Variants in PLEKHJ1 observed in about 807,000 individuals in gnomAD.
PLEKHJ1 encodes pleckstrin homology domain containing J1.
A neutral mutation model predicts 21.7 loss-of-function variants in PLEKHJ1; 20 were observed. The observed-to-expected ratio is 0.92, with a 90% CI of 0.65 to 1.34. The LOEUF is 1.34. Ranked by LOEUF, PLEKHJ1 falls within the 40% of genes most tolerant of loss-of-function variation. The probability of loss-of-function intolerance (pLI) is 0.00; values close to 1 mark genes in which losing one functional copy is unlikely to be tolerated. For synonymous variants in PLEKHJ1, 113 were observed against 80.6 expected, an observed-to-expected ratio of 1.40 and a Z score of -2.15; for missense variants, 241 against 202.0, an observed-to-expected ratio of 1.19 and a Z score of -1.17.
rs756379429 is a variant in PLEKHJ1, at chr19:2,234,015, G to T, written c.367C>A (p.Arg123=). ...GCACACACCTTGCCCGTCACCTTCCGGATTTCGTTCCTGTAGAAGATGAGG... is the reference window on the plus strand; with the variant it reads ...GCACACACCTTGCCCGTCACCTTCCTGATTTCGTTCCTGTAGAAGATGAGG... The part of the protein sequence containing the change: ...RSLIFYRNEI[R]KVTGKDPLEQ... Residue 123 remains arginine (R), a synonymous_variant, in exon 5 of 6, where the codon CGG becomes AGG. Transcript: ENST00000326631. The T allele has an allele frequency of 1.2e-6, 2 of 1,613,358 alleles. No homozygotes were observed. Among genetic ancestry groups the T allele is most frequent in the Non-Finnish European group, 1.7e-6 (2 of 1,179,962 alleles).
chr19:2,235,527 A>G, intron 3 of PLEKHJ1: 1 of 557,972 alleles, frequency 1.8e-6, no homozygotes, highest in Non-Finnish European at 3.2e-6. Context: ...CAGGGAACAA[A>G]GAGCAGAGTC....
At chr19:2,235,423 A>C in intron 3 of PLEKHJ1, 1 of 275,846 alleles carries the variant, frequency 3.6e-6, no homozygotes, top group Non-Finnish European at 6.8e-6. Context: ...GCCCGGGGCC[A>C]TATAACAATG....
chr19:2,233,681 G>T lies in PLEKHJ1; in HGVS notation c.*159C>A. Reference sequence around the variant, plus strand: ...TTGAGTCCAGAAGGTCAAGGTCACAGTGAGCTGTGGCACCACTGCACTCTA... The same window carrying T: ...TTGAGTCCAGAAGGTCAAGGTCACATTGAGCTGTGGCACCACTGCACTCTA... On this transcript the variant is annotated 3_prime_UTR_variant, in exon 6 of 6. Coordinates refer to ENST00000326631, the MANE Select transcript of PLEKHJ1 (RefSeq NM_018049.3). 1 of 639,064 alleles carries T rather than the reference G, an allele frequency of 1.6e-6. No individual in the cohort carries two copies. 39.6% of individuals were successfully genotyped at this position (639,064 alleles called of 1,614,324 possible). A position where few individuals can be genotyped will look rare whatever the true frequency, so the allele number is the denominator to read the frequency against.
Position 2,234,182 on chromosome 19 carries a change from A to C in PLEKHJ1, c.288T>G (p.Cys96Trp). The change falls in exon 4 of 6, where the codon TGT (cysteine) becomes TGG (tryptophan). Residue 96 changes from cysteine to tryptophan, a missense_variant. Coordinates refer to ENST00000326631, the MANE Select transcript of PLEKHJ1 (RefSeq NM_018049.3). Reference sequence around the variant, plus strand: ...GACGCAGAGCCTCCATCCACTCCTGACACTGCTCCTCGCTGCTGCACTCAA... The same window carrying C: ...GACGCAGAGCCTCCATCCACTCCTGCCACTGCTCCTCGCTGCTGCACTCAA... ...YHFECSSEEQCQEWMEALRRA... is the reference protein window; with the variant it reads ...YHFECSSEEQWQEWMEALRRA... 2 of 1,613,042 alleles carry C rather than the reference A, an allele frequency of 1.2e-6. No individual in the cohort carries two copies. Among genetic ancestry groups the C allele is most frequent in the Non-Finnish European group, 1.7e-6 (2 of 1,180,000 alleles).
chr19:2,231,653 C>T (rs530818197), downstream of PLEKHJ1: 28 of 214,114 alleles, frequency 1.3e-4, no homozygotes, highest in Non-Finnish European at 2.2e-4. Flanking sequence ...CCCCAAGCCC[C>T]GAGCCTGGCC....
chr19:2,233,457 A>C lies in PLEKHJ1; in HGVS notation c.*383T>G. The stretch of plus-strand genomic sequence containing the variant: ...CGTGGCACCAGGTGCCAGGCCAGTT[A>C]GGTGGATCCTGGGGCCCCAGGGAGC... On this transcript the variant is annotated 3_prime_UTR_variant, in exon 6 of 6. Transcript: ENST00000326631. The C allele has an allele frequency of 4.0e-6, 1 of 248,904 alleles. No individual in the cohort carries two copies. The highest frequency in any genetic ancestry group is 7.8e-6 in the Non-Finnish European group (1 of 128,426). The allele number at this position is 248,904 out of a possible 1,614,324, so 15.4% of individuals were successfully genotyped here. A position where few individuals can be genotyped will look rare whatever the true frequency, so the allele number is the denominator to read the frequency against.
At chr19:2,230,580 C>T (rs766054579), downstream of PLEKHJ1, 47 of 398,576 alleles carry the variant, frequency 1.2e-4, no homozygotes, top group Non-Finnish European at 1.6e-4. Context: ...CCCTGCGATG[C>T]GGGGCAGGCC....
In PLEKHJ1 at chr19:2,233,817, A is replaced by T; in HGVS notation, c.*23T>A. Reference sequence around the variant, plus strand: ...GGCAGGGCCAGTCCCGTCCCGCTGCACGCTGACCACCGTGCCCTGCGCTCA... The same window carrying T: ...GGCAGGGCCAGTCCCGTCCCGCTGCTCGCTGACCACCGTGCCCTGCGCTCA... On this transcript the variant is annotated 3_prime_UTR_variant, in exon 6 of 6. Transcript: ENST00000326631. 6.3e-7 allele frequency: 1 copy of T among 1,585,026 alleles called. No individual in the cohort carries two copies. The highest frequency in any genetic ancestry group is 8.6e-7 in the Non-Finnish European group (1 of 1,168,662).
Position 2,235,943 on chromosome 19 carries a change from A to T in PLEKHJ1, c.142T>A (p.Phe48Ile). 6.2e-7 allele frequency: 1 copy of T among 1,610,458 alleles called. No homozygotes were observed. The highest frequency in any genetic ancestry group is 8.5e-7 in the Non-Finnish European group (1 of 1,179,044). ...CCTACCTCGGCCTCGTCTGTCCGAA[A>T]GTAGAAGAGGAAATTCACCACCAGC... Reference protein sequence around the residue: ...VKLVVNFLFYFRTDEAEPVGA... With the variant: ...VKLVVNFLFYIRTDEAEPVGA... The change falls in exon 2 of 6, where the codon TTT becomes ATT. Residue 48 changes from phenylalanine to isoleucine, a missense_variant. Physicochemically the swap from Phe to Ile is conservative, Grantham distance 21. Transcript: ENST00000326631.
downstream of PLEKHJ1, chr19:2,231,874 G>A (rs1189258539): frequency 4.5e-6 from 1 of 220,376 alleles, no homozygotes; most frequent in African/African-American, 2.2e-5. Flanking sequence ...GCCACCGTAT[G>A]TTCAGGACAC....
chr19:2,231,073 G>A (rs770229072), downstream of PLEKHJ1: 1 of 233,080 alleles, frequency 4.3e-6, no homozygotes, highest in Non-Finnish European at 8.5e-6. Context: ...GCTGAGGCCG[G>A]GGTGTAGCAG....
In PLEKHJ1 at chr19:2,233,882, T is replaced by G. The variant is rs200815516; in HGVS notation, c.408A>C (p.Ile136=). 1.9e-6 allele frequency: 3 copies of G among 1,612,456 alleles called. No individual in the cohort carries two copies. The South Asian group carries it at 3.3e-5, about 18-fold the overall frequency. ...TGKDPLEQFG[I]SEEARFQLSG... ...TCAGCTGGAACCTGGCCTCCTCGGA[T>G]ATGCCGAACTGTTCCAGGGGGTCCT... Residue 136 remains isoleucine (I), a synonymous_variant, in exon 6 of 6, where the codon ATA becomes ATC. Coordinates refer to ENST00000326631, the MANE Select transcript of PLEKHJ1 (RefSeq NM_018049.3).
downstream of PLEKHJ1, chr19:2,230,613 C>G (rs1381841383): frequency 1.0e-5 from 4 of 398,496 alleles, no homozygotes; most frequent in African/African-American, 2.1e-5. Context: ...CTTGGTGTTT[C>G]TGTACAGGAG....
At chr19:2,234,087 A>T (rs74807305) in intron 4 of PLEKHJ1, 26 bp from the exon 5 acceptor site, 1 of 1,613,314 alleles carries the variant, frequency 6.2e-7, no homozygotes, top group African/African-American at 1.3e-5. Context: ...GCACGGGGTC[A>T]AATGCCCGCT....
chr19:2,230,172 C>T, downstream of PLEKHJ1: 1 of 481,382 alleles, frequency 2.1e-6, no homozygotes. Flanking sequence ...GCTATCTCGT[C>T]CCCAGGCCCG....
chr19:2,236,114 C>T (rs1011103569), intron 1 of PLEKHJ1, 41 bp downstream of exon 1: 2 of 1,423,916 alleles, frequency 1.4e-6, no homozygotes, highest in Non-Finnish European at 1.8e-6. Flanking sequence ...GCCCCGGCCT[C>T]CCGCCCCTGG....
At chr19:2,231,814 G>A (rs369531222), downstream of PLEKHJ1, 1 of 218,514 alleles carries the variant, frequency 4.6e-6, no homozygotes, top group Non-Finnish European at 9.2e-6. Flanking sequence ...GGCAGTCCGG[G>A]TGCCATCACG....
At chr19:2,232,494 C>CG (rs1429871211), downstream of PLEKHJ1, 1 of 222,032 alleles carries the variant, frequency 4.5e-6, no homozygotes, top group East Asian at 6.5e-5. Context: ...CGCCCCTGGG[C>CG]TGCAGGCGCC....
At chr19:2,230,271 C>T (rs931934609), downstream of PLEKHJ1, 9 of 426,782 alleles carry the variant, frequency 2.1e-5, no homozygotes, top group Middle Eastern at 6.0e-4. Context: ...TCCCCCGACG[C>T]GCTGCTCCCG....
Sources: allele counts gnomAD v4.1 joint callset, GRCh38; gene constraint gnomAD v4.1.1; transcripts MANE v1.5; gene names NCBI Gene and HGNC (gene_info 2026-07-23, HGNC 2026-07-21).